GNG7: variants seen among roughly 807,000 people sequenced by gnomAD.
The protein encoded by GNG7 is G protein subunit gamma 7, also known as guanine nucleotide-binding protein G(I)/G(S)/G(O) subunit gamma-7.
A neutral mutation model predicts 4.0 loss-of-function variants in GNG7; 1 was observed. The observed-to-expected ratio is 0.25, with a 90% CI of 0.09 to 1.18. The LOEUF is 1.18. Among genes scored for constraint, GNG7 ranks in the 50% most tolerant of loss-of-function variants. The pLI, the probability that GNG7 is intolerant of heterozygous loss-of-function variation, is 0.50. For missense variants in GNG7, 86 were observed against 91.9 expected (o/e 0.94, Z 0.26); for synonymous variants, 34 against 36.9 (o/e 0.92, Z 0.29).
chr19:2,647,106 G>A (rs1250895247), intron 1 of GNG7, among the ~76,000 whole-genome samples: 1 of 152,212 alleles, frequency 6.6e-6, no homozygotes, highest in Non-Finnish European at 1.5e-5. Context: ...GACTCGGGGG[G>A]ACCCTGCCAC....
At chr19:2,536,425 A>G (rs922864220) in intron 3 of GNG7, among the ~76,000 whole-genome samples, 1 of 152,036 alleles carries the variant, frequency 6.6e-6, no homozygotes, top group Non-Finnish European at 1.5e-5. Context: ...TCTCAAAAAA[A>G]AAAAGAAAAG....
At chr19:2,538,060 G>C (rs1978803121) in intron 3 of GNG7, 1 of 443,536 alleles carries the variant, frequency 2.3e-6, no homozygotes, top group South Asian at 1.6e-5. Context: ...CTGGACAACA[G>C]AGCAAGACTC....
intron 2 of GNG7, among the ~76,000 whole-genome samples, chr19:2,621,189 C>T (rs1453343806): frequency 6.6e-6 from 1 of 152,124 alleles, no homozygotes; most frequent in Non-Finnish European, 1.5e-5. Flanking sequence ...CCACGGGGAA[C>T]CTCGGAAAAT....
chr19:2,555,111 G>T (rs1224786396), intron 3 of GNG7, 38 bp downstream of exon 3: 2 of 152,136 alleles, frequency 1.3e-5, no homozygotes, highest in Admixed American at 6.6e-5. Context: ...AAAAACAAGA[G>T]ATTCCAACCT....
chr19:2,692,814 G>A (rs950625495), intron 1 of GNG7, among the ~76,000 whole-genome samples: 5 of 149,564 alleles, frequency 3.3e-5, no homozygotes, highest in African/African-American at 4.9e-5. Flanking sequence ...AGCAAGACCC[G>A]GTCTCTACAA....
chr19:2,587,767 G>A (rs1599407441), intron 2 of GNG7, among the ~76,000 whole-genome samples: 1 of 152,032 alleles, frequency 6.6e-6, no homozygotes, highest in African/African-American at 2.4e-5. Flanking sequence ...CTTGAACCTG[G>A]GAGGCAGAGG....
chr19:2,553,640 T>C (rs564905692), intron 3 of GNG7, among the ~76,000 whole-genome samples: 25 of 93,906 alleles, frequency 2.7e-4, no homozygotes, highest in South Asian at 6.4e-4. Context: ...TTACATGTAA[T>C]ATGTTATATT....
At chr19:2,670,026 G>C (rs961566485) in intron 1 of GNG7, among the ~76,000 whole-genome samples, 1 of 147,218 alleles carries the variant, frequency 6.8e-6, no homozygotes, top group South Asian at 2.1e-4. Context: ...AAAAAAAAAA[G>C]AAAGAAAAAG....
intron 2 of GNG7, among the ~76,000 whole-genome samples, chr19:2,621,244 C>T (rs1247601050): frequency 6.6e-6 from 1 of 152,166 alleles, no homozygotes; most frequent in East Asian, 1.9e-4. Flanking sequence ...TATGTTGAAG[C>T]TGGATGTGGT....
At chr19:2,663,345 T>TC (rs144943909) in intron 1 of GNG7, among the ~76,000 whole-genome samples, 5,089 of 147,474 alleles carry the variant, frequency 0.035, 251 homozygotes, top group African/African-American at 0.11. Context: ...TCTCTCTCTC[T>TC]CCCCCCCCTC....
At position 2,634,352 on chromosome 19, in the gene GNG7, C is replaced by T. The variant is rs1046736641; in HGVS notation, c.-78+11872G>A. ...CAGGAGCTCCCCCAAGTCGCGAAAA[C>T]CACAGATGTCCCAGAAATTGCTCAG... is the stretch of plus-strand genomic sequence containing the variant. On this transcript the variant is annotated intron_variant, in intron 2 of 4. Coordinates refer to ENST00000382159, the MANE Select transcript of GNG7 (RefSeq NM_052847.3). The surrounding 1 kb of genome is among the most constrained non-coding windows in gnomAD (Gnocchi z 5.3). Among the ~76,000 whole-genome samples, 4 of 152,204 alleles carry T rather than the reference C, an allele frequency of 2.6e-5. No individual in the cohort carries two copies. Among genetic ancestry groups the T allele is most frequent in the Admixed American group, 2.6e-4 (4 of 15,282 alleles).
At chr19:2,639,364 G>A (rs1484745835) in intron 2 of GNG7, among the ~76,000 whole-genome samples, 2 of 151,950 alleles carry the variant, frequency 1.3e-5, no homozygotes, top group African/African-American at 4.8e-5. Context: ...TGAGACGCCG[G>A]AACAGAAAGG....
chr19:2,680,571 A>AC (rs1983705812), intron 1 of GNG7, among the ~76,000 whole-genome samples: 2 of 126,016 alleles, frequency 1.6e-5, no homozygotes, highest in Admixed American at 8.3e-5. Flanking sequence ...AAAATTTACA[A>AC]TTTTTTTTTT....
At chr19:2,545,195 T>C (rs578209097) in intron 3 of GNG7, among the ~76,000 whole-genome samples, 1 of 149,852 alleles carries the variant, frequency 6.7e-6, no homozygotes, top group African/African-American at 2.4e-5. Context: ...TGGCGACATC[T>C]GTGGTTGTCG....
At chr19:2,606,304 G>A (rs1224706940) in intron 2 of GNG7, among the ~76,000 whole-genome samples, 1 of 152,034 alleles carries the variant, frequency 6.6e-6, no homozygotes, top group Non-Finnish European at 1.5e-5. Context: ...CCCAGGAGTT[G>A]GAGGCTACAG....
At chr19:2,670,312 C>T (rs1048768863) in intron 1 of GNG7, among the ~76,000 whole-genome samples, 2 of 152,174 alleles carry the variant, frequency 1.3e-5, no homozygotes, top group Admixed American at 6.5e-5. Context: ...ACCCCACTGT[C>T]GGGGGAGCAG....
chr19:2,548,745 T>C (rs1344060939), intron 3 of GNG7, among the ~76,000 whole-genome samples: 2 of 151,848 alleles, frequency 1.3e-5, no homozygotes, highest in African/African-American at 4.8e-5. Context: ...GCCAAGATCG[T>C]GCCACTACAC....
chr19:2,553,813 C>T (rs56104935), intron 3 of GNG7, among the ~76,000 whole-genome samples: 5 of 72,764 alleles, frequency 6.9e-5, no homozygotes, highest in Non-Finnish European at 1.4e-4. Context: ...TGTAATATAT[C>T]ACATACATGT....
chr19:2,633,481 G>A lies in GNG7; in HGVS notation c.-78+12743C>T, dbSNP rs1190832814. ...GTTGCTTAGCAACAGGCGCGCGCGC[G>A]CGCGCGCACACACACACACACACAC... is the stretch of plus-strand genomic sequence containing the variant. On this transcript the variant is annotated intron_variant, in intron 2 of 4. Transcript: ENST00000382159. This position sits in a 1 kb window ranked among gnomAD's most constrained non-coding sequence, Gnocchi z 5.9. Among the ~76,000 whole-genome samples, 10 of 80,448 alleles carry A rather than the reference G, an allele frequency of 1.2e-4. No homozygotes were observed. Among genetic ancestry groups the A allele is most frequent in the South Asian group, 5.5e-4 (1 of 1,816 alleles). 52.8% of individuals were successfully genotyped at this position (80,448 alleles called of 152,430 possible).
Sources: allele counts gnomAD v4.1 joint callset (sites outside exome capture counted in the v4.1 genomes callset), GRCh38; gene constraint gnomAD v4.1.1; non-coding constraint Gnocchi (gnomAD v3.1); transcripts MANE v1.5; gene names NCBI Gene and HGNC (gene_info 2026-07-23, HGNC 2026-07-21).